Variants in PRKD3 observed in about 807,000 individuals in gnomAD.
PRKD3 encodes the protein protein kinase D3, also known as serine/threonine-protein kinase D3.
PRKD3 carries 47 observed loss-of-function variants against 99.2 expected under a neutral mutation model. That is an observed-to-expected ratio of 0.47 (90% CI 0.38 to 0.60). The LOEUF (loss-of-function observed/expected upper bound fraction) is 0.60. PRKD3 is among the 20% of genes least tolerant of loss of function. The pLI, the probability that PRKD3 is intolerant of heterozygous loss-of-function variation, is 0.00. For synonymous variants in PRKD3, 392 were observed against 355.4 expected, an observed-to-expected ratio of 1.10 and a Z score of -1.16; for missense variants, 1,019 against 1,088.4, an observed-to-expected ratio of 0.94 and a Z score of 0.90.
rs1667534708 is a variant in PRKD3 at position 37,251,903 on chromosome 2, A to T, written c.*1274T>A. ...AAGAAAAAAAAAAAGGTTTACAATG[A>T]TTACTGAGAAATGAAGAAATAAGCC... On this transcript the variant is annotated 3_prime_UTR_variant, in exon 19 of 19. Transcript: ENST00000234179. The T allele has an allele frequency of 6.6e-6, 1 of 152,094 alleles. No individual in the cohort carries two copies. The highest frequency in any genetic ancestry group is 1.5e-5 in the Non-Finnish European group (1 of 68,018). The allele number at this position is 152,094 out of a possible 1,614,324, so 9.4% of individuals were successfully genotyped here.
chr2:37,291,039 T>C (rs1670395991), intron 3 of PRKD3, 40 bp from the exon 4 acceptor site: 2 of 1,542,282 alleles, frequency 1.3e-6, no homozygotes, highest in Non-Finnish European at 1.8e-6. Context: ...GTTGTATTTG[T>C]ACTGCGATGA....
intron 1 of PRKD3, among the ~76,000 whole-genome samples, chr2:37,320,563 C>G (rs751053975): frequency 6.6e-6 from 1 of 150,956 alleles, no homozygotes; most frequent in African/African-American, 2.4e-5. Context: ...GCCCCAGTAG[C>G]TGGGATTACA....
rs552033399 is a variant in PRKD3 at position 37,262,483 on chromosome 2, T to C, written c.1885-2099A>G. On this transcript the variant is annotated intron_variant, in intron 14 of 18. Transcript: ENST00000234179. ...TGTTTGCTAATCATTTTAAACCCAT[T>C]TTATGAGATCGTTTTCCAAGCAGCA... Among the ~76,000 whole-genome samples the C allele has an allele frequency of 1.1e-4, 16 of 152,274 alleles. 2 individuals are homozygous for C. The South Asian group carries it at 3.3e-3, about 32-fold the overall frequency.
At chr2:37,317,336 G>A (rs183406419) in intron 1 of PRKD3, among the ~76,000 whole-genome samples, 157 bp from the exon 2 acceptor site, 2 of 152,244 alleles carry the variant, frequency 1.3e-5, no homozygotes, top group East Asian at 3.9e-4. Context: ...AGTTAGCAAA[G>A]ACTTTTTTTA....
intron 14 of PRKD3, among the ~76,000 whole-genome samples, chr2:37,267,128 T>C (rs1040559984): frequency 2.0e-5 from 3 of 152,218 alleles, no homozygotes; most frequent in Non-Finnish European, 4.4e-5. Context: ...ATGACAAGCA[T>C]GTCACCTGTG....
In PRKD3 at chr2:37,274,402, C is replaced by T. The variant is rs1669454974; in HGVS notation, c.1651+19G>A. ...AGAATTAAAGAGGAGAAAAAGCCAT[C>T]AAGAAGTTTATTGCTTACTGTGATC... On this transcript the variant is annotated intron_variant, in intron 11 of 18. Coordinates refer to ENST00000234179, the MANE Select transcript of PRKD3 (RefSeq NM_005813.6). 1 of 1,612,040 alleles carries T rather than the reference C, an allele frequency of 6.2e-7. No individual in the cohort carries two copies. The highest frequency in any genetic ancestry group is 8.5e-7 in the Non-Finnish European group (1 of 1,178,668).
chr2:37,304,457 G>A (rs1281715815), intron 2 of PRKD3, among the ~76,000 whole-genome samples: 2 of 151,988 alleles, frequency 1.3e-5, no homozygotes, highest in Non-Finnish European at 2.9e-5. Context: ...AATATCATAA[G>A]AGGCCAGGTG....
intron 2 of PRKD3, among the ~76,000 whole-genome samples, chr2:37,300,426 A>T (rs1670871702): frequency 6.6e-6 from 1 of 152,240 alleles, no homozygotes; most frequent in East Asian, 1.9e-4. Context: ...ACAAAACTAC[A>T]GTTAGATAGA....
intron 1 of PRKD3, among the ~76,000 whole-genome samples, chr2:37,322,481 T>C (rs1307769438): frequency 6.6e-6 from 1 of 152,226 alleles, no homozygotes; most frequent in Non-Finnish European, 1.5e-5. Context: ...GAGCACACCA[T>C]ATCTGCTCTG....
intron 1 of PRKD3, among the ~76,000 whole-genome samples, chr2:37,323,933 C>T (rs78622604): frequency 0.023 from 3,521 of 152,246 alleles, 65 homozygotes; most frequent in Middle Eastern, 0.051. Context: ...CGCGCACACA[C>T]TTGTCGCTTG....
chr2:37,267,457 T>G lies in PRKD3; in HGVS notation c.1857A>C (p.Gln619His). 1 of 1,608,234 alleles carries G rather than the reference T, an allele frequency of 6.2e-7. No individual in the cohort carries two copies. Among genetic ancestry groups the G allele is most frequent in the Non-Finnish European group, 8.5e-7 (1 of 1,176,068 alleles). ...GTAAAATAGCCACTTCATTACGGAG[T>G]TGACTTTCTTGTTTTGTGGGGAATC... is the stretch of plus-strand genomic sequence containing the variant. ...KMRFPTKQES[Q>H]LRNEVAILQN... The change falls in exon 14 of 19, where the codon CAA becomes CAC. Residue 619 changes from glutamine (Q) to histidine (H), a missense_variant. Physicochemically the swap from Gln to His is conservative, Grantham distance 24. Around this residue, in one of 3 missense-constraint regions of PRKD3, gnomAD observed 184 missense variants for 275.1 expected, o/e 0.67. Transcript: ENST00000234179.
chr2:37,275,919 T>G, intron 9 of PRKD3, 75 bp from the exon 10 acceptor site: 1 of 1,479,040 alleles, frequency 6.8e-7, no homozygotes, highest in Non-Finnish European at 9.0e-7. Context: ...ACTTTTCCCT[T>G]CATTTACATT....
chr2:37,286,309 T>A lies in PRKD3; in HGVS notation c.778A>T (p.Met260Leu). The A allele has an allele frequency of 6.2e-7, 1 of 1,614,108 alleles. No homozygotes were observed. The highest frequency in any genetic ancestry group is 8.5e-7 in the Non-Finnish European group (1 of 1,179,994). Reference sequence around the variant, plus strand: ...ACTCTGCACATTACCATCTTTTCCATCCAGATTGGGCGACCACTCCAAGAA... The same window carrying A: ...ACTCTGCACATTACCATCTTTTCCAACCAGATTGGGCGACCACTCCAAGAA... ...IPSWSGRPIW[M>L]EKMVMCRVKV... The change falls in exon 6 of 19, where the codon ATG (methionine) becomes TTG (leucine). Residue 260 changes from methionine (M) to leucine (L), a missense_variant. Around this residue, in one of 3 missense-constraint regions of PRKD3, gnomAD observed 710 missense variants for 692.7 expected, o/e 1.02. Transcript: ENST00000234179.
At chr2:37,273,828 A>G (rs754936185) in intron 11 of PRKD3, among the ~76,000 whole-genome samples, 1 of 152,190 alleles carries the variant, frequency 6.6e-6, no homozygotes, top group Non-Finnish European at 1.5e-5. Flanking sequence ...TTCGATTGTT[A>G]ACTGTTTACT....
intron 14 of PRKD3, among the ~76,000 whole-genome samples, chr2:37,267,185 G>A (rs1668902701): frequency 6.6e-6 from 1 of 152,100 alleles, no homozygotes; most frequent in Non-Finnish European, 1.5e-5. Context: ...ATGTGGCAAA[G>A]TATCCTAAGT....
intron 6 of PRKD3, 68 bp downstream of exon 6, chr2:37,286,109 T>C: frequency 1.6e-6 from 2 of 1,250,950 alleles, no homozygotes; most frequent in Non-Finnish European, 2.2e-6. Context: ...GAAATATAAA[T>C]ATTTTAAGCC....
intron 1 of PRKD3, among the ~76,000 whole-genome samples, chr2:37,320,457 A>G: frequency 8.3e-6 from 1 of 121,008 alleles, no homozygotes; most frequent in South Asian, 2.8e-4. Flanking sequence ...TTTGAGACAG[A>G]GACTTGCTCT....
At chr2:37,290,230 GACA>G (rs1294301108) in intron 4 of PRKD3, among the ~76,000 whole-genome samples, 8 of 152,032 alleles carry the variant, frequency 5.3e-5, no homozygotes, top group Non-Finnish European at 1.2e-4. Flanking sequence ...GTATGTAAGA[GACA>G]ACTTTTTTTT....
At chr2:37,290,263 C>T (rs1326912434) in intron 4 of PRKD3, among the ~76,000 whole-genome samples, 1 of 152,034 alleles carries the variant, frequency 6.6e-6, no homozygotes, top group East Asian at 1.9e-4. Flanking sequence ...GAGTTTCGCT[C>T]TTTCACCCAG....
Sources: allele counts gnomAD v4.1 joint callset (sites outside exome capture counted in the v4.1 genomes callset), GRCh38; gene constraint gnomAD v4.1.1; regional missense constraint gnomAD v4.1.1; transcripts MANE v1.5; gene names NCBI Gene and HGNC (gene_info 2026-07-23, HGNC 2026-07-21).